ANK2: variants seen among roughly 807,000 people sequenced by gnomAD.
The protein encoded by ANK2 is ankyrin 2.
Under a neutral mutation model 360.5 loss-of-function variants are expected in ANK2, and 83 were observed. The observed-to-expected ratio is 0.23, with a 90% confidence interval of 0.19 to 0.28. The LOEUF is 0.28. Among genes scored for constraint, ANK2 ranks in the 10% least tolerant of loss-of-function variants. The probability of loss-of-function intolerance (pLI) is 1.00; values close to 1 mark genes in which losing one functional copy is unlikely to be tolerated. For missense variants in ANK2, 4,201 were observed against 4,795.7 expected (o/e 0.88, Z 3.66); for synonymous variants, 1,740 against 1,759.5 (o/e 0.99, Z 0.28).
chr4:113,068,787 A>C (rs1306330803), intron 1 of ANK2, among the ~76,000 whole-genome samples: 2 of 152,196 alleles, frequency 1.3e-5, no homozygotes, highest in Non-Finnish European at 2.9e-5. Flanking sequence ...AGAGCTGGGC[A>C]TGGTGGCTCA....
intron 2 of ANK2, among the ~76,000 whole-genome samples, chr4:112,954,894 C>A (rs187339701): frequency 4.6e-5 from 7 of 151,950 alleles, no homozygotes; most frequent in African/African-American, 1.7e-4. Flanking sequence ...AATATACAGG[C>A]AATAATCAAC....
At chr4:112,816,328 C>T (rs747510262), upstream of ANK2, among the ~76,000 whole-genome samples, 4 of 152,248 alleles carry the variant, frequency 2.6e-5, no homozygotes, top group East Asian at 7.7e-4. Flanking sequence ...CAAATGGAAA[C>T]AAGTGCTCTT....
At chr4:112,810,153 ATATATATTTTTTTTTTTT>A in the ANK2 span, among the ~76,000 whole-genome samples, 382 of 23,518 alleles carry the variant, frequency 0.016, 9 homozygotes, top group African/African-American at 0.074. Flanking sequence ...ATATATATAT[ATATATATTTTTTTTTTTT>A]TTTTTTTTTT....
At chr4:113,272,729 C>T (rs984591115) in intron 14 of ANK2, among the ~76,000 whole-genome samples, 6 of 152,230 alleles carry the variant, frequency 3.9e-5, no homozygotes, top group South Asian at 2.1e-4. Context: ...ATTGCCACTT[C>T]TCAGCTATGG....
chr4:113,311,429 G>A (rs777875187), intron 24 of ANK2, 30 bp downstream of exon 24: 3 of 1,612,974 alleles, frequency 1.9e-6, no homozygotes, highest in African/African-American at 1.3e-5. Flanking sequence ...ATTGATGTCA[G>A]CCAGAAGTAT....
At chr4:113,126,121 C>A (rs557928064) in intron 1 of ANK2, among the ~76,000 whole-genome samples, 2 of 152,242 alleles carry the variant, frequency 1.3e-5, no homozygotes, top group South Asian at 2.1e-4. Context: ...CAGTTGATTT[C>A]TCCTGAAGTT....
intron 1 of ANK2, among the ~76,000 whole-genome samples, chr4:113,162,782 G>T (rs1035669452): frequency 2.0e-5 from 3 of 149,628 alleles, no homozygotes; most frequent in African/African-American, 7.4e-5. Context: ...TCTTTGAGGG[G>T]ATGAATCATG....
At chr4:113,049,259 A>C (rs2065871536), upstream of ANK2, among the ~76,000 whole-genome samples, 1 of 152,206 alleles carries the variant, frequency 6.6e-6, no homozygotes, top group South Asian at 2.1e-4. Flanking sequence ...CTTTTCCTTA[A>C]GTAGCCTCTT....
the ANK2 span, among the ~76,000 whole-genome samples, chr4:112,772,132 A>G: frequency 4.6e-5 from 7 of 152,306 alleles, 1 homozygote; most frequent in South Asian, 1.2e-3. Context: ...TGATAAAGAC[A>G]TACCCGAGAC....
chr4:112,954,193 A>G (rs982693982), intron 2 of ANK2, among the ~76,000 whole-genome samples: 4 of 143,400 alleles, frequency 2.8e-5, no homozygotes, highest in South Asian at 2.3e-4. Context: ...TTGTCCCTTC[A>G]TTTCTCCTCC....
chr4:113,303,885 A>G (rs879092386), intron 23 of ANK2, among the ~76,000 whole-genome samples: 1 of 152,242 alleles, frequency 6.6e-6, no homozygotes, highest in Admixed American at 6.5e-5. Context: ...ACAGAGAAAT[A>G]TTAAAGATGT....
chr4:113,147,362 TGA>T (rs1255387642), intron 1 of ANK2, among the ~76,000 whole-genome samples: 14 of 152,190 alleles, frequency 9.2e-5, no homozygotes, highest in African/African-American at 3.4e-4. Flanking sequence ...CTTTCTGAAC[TGA>T]GGGGACAAAA....
At chr4:113,302,020 T>C (rs1010123239) in intron 22 of ANK2, among the ~76,000 whole-genome samples, 1 of 152,362 alleles carries the variant, frequency 6.6e-6, no homozygotes, top group Admixed American at 6.5e-5. Context: ...TTTTATGAAG[T>C]ACTTTTCTAT....
chr4:113,379,622 G>A (rs1031234128), intron 45 of ANK2, among the ~76,000 whole-genome samples: 6 of 152,006 alleles, frequency 3.9e-5, no homozygotes, highest in South Asian at 2.1e-4. Context: ...AATGGCTGCC[G>A]CGTATTTAGG....
intron 23 of ANK2, among the ~76,000 whole-genome samples, chr4:113,307,412 CTTTTTT>C (rs56756321): frequency 1.1e-5 from 1 of 91,872 alleles, no homozygotes. Flanking sequence ...GCCATTCCAC[CTTTTTT>C]TTTTTTTTTT....
chr4:113,330,313 C>T lies in ANK2; in HGVS notation c.2968C>T (p.Arg990Ter), dbSNP rs1554508985. 1 of 1,614,178 alleles carries T rather than the reference C, an allele frequency of 6.2e-7. No homozygotes were observed. Among genetic ancestry groups the T allele is most frequent in the Non-Finnish European group, 8.5e-7 (1 of 1,180,036 alleles). Reference sequence around the variant, plus strand: ...GCGAGGATGCAGACACAATGGGCTCCGAATCATTATTCCACCTCGGAAATG... The same window carrying T: ...GCGAGGATGCAGACACAATGGGCTCTGAATCATTATTCCACCTCGGAAATG... ...AMRGCRHNGL[R>*]IIIPPRKCTA... The change falls in exon 27 of 46, where the codon CGA becomes TGA. Residue 990 changes from arginine to a stop codon, truncating the protein, a stop_gained. Coordinates refer to ENST00000357077, the MANE Select transcript of ANK2 (RefSeq NM_001148.6). LOFTEE classifies it high-confidence loss of function.
rs768694556 is a variant in ANK2 at position 113,258,060 on chromosome 4, C to G, written c.1199C>G (p.Thr400Ser). 6.2e-7 allele frequency: 1 copy of G among 1,614,034 alleles called. No individual in the cohort carries two copies. The highest frequency in any genetic ancestry group is 8.5e-7 in the Non-Finnish European group (1 of 1,179,860). ...NPNARALNGF[T>S]PLHIACKKNR... ...TTGTCTTTTGCACAGAATGGTTTTA[C>G]TCCACTGCACATTGCCTGCAAGAAA... The change falls in exon 12 of 46, where the codon ACT becomes AGT. Residue 400 changes from threonine (T) to serine (S), a missense_variant. Physicochemically the swap from Thr to Ser is moderately conservative, Grantham distance 58. Transcript: ENST00000357077.
intron 1 of ANK2, among the ~76,000 whole-genome samples, chr4:113,168,908 T>C (rs2097848606): frequency 6.6e-6 from 1 of 152,180 alleles, no homozygotes; most frequent in Admixed American, 6.6e-5. Flanking sequence ...CTCTGCAGCA[T>C]CTTCATCACT....
At chr4:112,891,308 A>G (rs1401746719) in intron 1 of ANK2, among the ~76,000 whole-genome samples, 2 of 152,238 alleles carry the variant, frequency 1.3e-5, no homozygotes, top group Admixed American at 6.5e-5. Context: ...TCTGCTTACA[A>G]TAAAATCTAC....
Sources: allele counts gnomAD v4.1 joint callset (sites outside exome capture counted in the v4.1 genomes callset), GRCh38; gene constraint gnomAD v4.1.1; transcripts MANE v1.5; gene names NCBI Gene and HGNC (gene_info 2026-07-23, HGNC 2026-07-21).